CDK5RAP2: variants seen among roughly 807,000 people sequenced by gnomAD.
The protein encoded by CDK5RAP2 is CDK5 regulatory subunit associated protein 2.
Under a neutral mutation model 232.9 loss-of-function variants are expected in CDK5RAP2, and 147 were observed. The observed-to-expected ratio is 0.63, with a 90% confidence interval of 0.55 to 0.72. CDK5RAP2 has a LOEUF of 0.72. Ranked by LOEUF, CDK5RAP2 falls within the 30% of genes least tolerant of loss-of-function variation. The probability of loss-of-function intolerance (pLI) is 0.00; values close to 1 mark genes in which losing one functional copy is unlikely to be tolerated. For missense variants in CDK5RAP2, 2,195 were observed against 2,231.5 expected (o/e 0.98, Z 0.33); for synonymous variants, 833 against 833.7 (o/e 1.00, Z 0.01).
chr9:120,434,690 A>T (rs1306321989), intron 25 of CDK5RAP2, among the ~76,000 whole-genome samples: 1 of 152,110 alleles, frequency 6.6e-6, no homozygotes, highest in Non-Finnish European at 1.5e-5. Context: ...AGGGAGGGAG[A>T]GGAGAACTGA....
chr9:120,474,495 T>A (rs542545381), intron 15 of CDK5RAP2, among the ~76,000 whole-genome samples: 2 of 152,100 alleles, frequency 1.3e-5, no homozygotes, highest in Non-Finnish European at 2.9e-5. Flanking sequence ...AAAAAAATTA[T>A]CCAGCCTCAA....
chr9:120,536,439 G>C lies in CDK5RAP2; in HGVS notation c.595C>G (p.Leu199Val), dbSNP rs1405466162. 6.2e-7 allele frequency: 1 copy of C among 1,614,176 alleles called. No homozygotes were observed. Among genetic ancestry groups the C allele is most frequent in the Non-Finnish European group, 8.5e-7 (1 of 1,180,024 alleles). The change falls in exon 7 of 38, where the codon CTT (leucine) becomes GTT (valine). Residue 199 changes from leucine (L) to valine (V), a missense_variant. By Grantham distance (32) the Leu-to-Val change is conservative (BLOSUM62 1). Coordinates refer to ENST00000349780, the MANE Select transcript of CDK5RAP2 (RefSeq NM_018249.6). ...KALRLRLESK[L>V]SEMKKMHEGD... ...TCGTGCATCTTCTTCATCTCTGAAA[G>C]CTTGCTTTCCAAACGCAACCGAAGA...
At chr9:120,555,739 C>CA (rs2042204979) in intron 3 of CDK5RAP2, among the ~76,000 whole-genome samples, 2 of 152,164 alleles carry the variant, frequency 1.3e-5, no homozygotes. Flanking sequence ...TATGTTCACA[C>CA]AAAAAACCTG....
At position 120,525,018 on chromosome 9, in the gene CDK5RAP2, CCT is replaced by C; in HGVS notation, c.1058_1059del (p.Glu353GlyfsTer14). On this transcript the variant is annotated frameshift_variant, in exon 11 of 38. Transcript: ENST00000349780. LOFTEE classifies it high-confidence loss of function. ...TCCTGGGTCTGTGCTTTCTGTAGGG[CCT>C]CTCTGGCTTTAGCAAAGGCAGCACT... ...KLSAAFAKAR[E>X]ALQKAQTQEF... The C allele has an allele frequency of 1.2e-6, 2 of 1,614,068 alleles. No individual in the cohort carries two copies. The highest frequency in any genetic ancestry group is 1.7e-6 in the Non-Finnish European group (2 of 1,179,928).
At chr9:120,548,273 T>C (rs1480047719) in intron 4 of CDK5RAP2, among the ~76,000 whole-genome samples, 1 of 152,226 alleles carries the variant, frequency 6.6e-6, no homozygotes, top group Non-Finnish European at 1.5e-5. Context: ...TTTTTCCAGC[T>C]CTCAGAAGGG....
rs139217567 is a variant in CDK5RAP2 at position 120,571,105 on chromosome 9, C to T, written c.127+869G>A. On this transcript the variant is annotated intron_variant, in intron 2 of 37. Coordinates refer to ENST00000349780, the MANE Select transcript of CDK5RAP2 (RefSeq NM_018249.6). The stretch of plus-strand genomic sequence containing the variant: ...TCCAAGAGGTCAAGGCTGCAGTGTG[C>T]GTGATCGCACCTCTGCACTCCCAGC... Among the ~76,000 whole-genome samples, 144 of 152,304 alleles carry T rather than the reference C, an allele frequency of 9.5e-4. 1 individual carries two copies. Among genetic ancestry groups the T allele is most frequent in the Non-Finnish European group, 1.9e-3 (127 of 68,036 alleles).
At chr9:120,456,971 C>T (rs1010510181) in intron 20 of CDK5RAP2, among the ~76,000 whole-genome samples, 1 of 152,194 alleles carries the variant, frequency 6.6e-6, no homozygotes, top group African/African-American at 2.4e-5. Flanking sequence ...GTCCAAGAGA[C>T]TTCTCAGAGC....
At chr9:120,491,242 G>T (rs2038887253) in intron 13 of CDK5RAP2, 65 bp downstream of exon 13, 13 of 1,183,456 alleles carry the variant, frequency 1.1e-5, no homozygotes, top group Non-Finnish European at 1.5e-5. Flanking sequence ...TTCTGCAAAA[G>T]AATTATTTTT....
rs369976688 is a variant in CDK5RAP2, at chr9:120,437,864, AG to A, written c.3723-338del. Among the ~76,000 whole-genome samples, 8 of 152,342 alleles carry A rather than the reference AG, an allele frequency of 5.3e-5. 1 individual carries two copies. In the East Asian group the frequency reaches 7.7e-4, roughly 15 times the overall value. ...TAGAAACAAGTGCCCCAAGGGTCAG[AG>A]GATCTACCAAAAATTCTCATGAAGT... On this transcript the variant is annotated intron_variant, in intron 24 of 37. Transcript: ENST00000349780.
At chr9:120,573,790 T>C (rs2042938935) in intron 1 of CDK5RAP2, among the ~76,000 whole-genome samples, 1 of 152,222 alleles carries the variant, frequency 6.6e-6, no homozygotes, top group Non-Finnish European at 1.5e-5. Flanking sequence ...TAATGTTATA[T>C]AATTCTCAAT....
At chr9:120,400,689 G>A in intron 35 of CDK5RAP2, 53 bp downstream of exon 35, 1 of 1,608,984 alleles carries the variant, frequency 6.2e-7, no homozygotes, top group South Asian at 1.1e-5. Context: ...AGGAAACTGA[G>A]ACACAGGCCC....
intron 1 of CDK5RAP2, among the ~76,000 whole-genome samples, chr9:120,576,113 T>C (rs957463535): frequency 5.9e-5 from 9 of 152,236 alleles, no homozygotes; most frequent in African/African-American, 9.6e-5. Flanking sequence ...GTCTGAAAGA[T>C]ACTTTTGAAA....
At chr9:120,456,221 T>C (rs2036765849) in intron 20 of CDK5RAP2, among the ~76,000 whole-genome samples, 2 of 152,268 alleles carry the variant, frequency 1.3e-5, no homozygotes, top group South Asian at 4.1e-4. Context: ...CTGGGTGAGG[T>C]GGTGGCAGTC....
At chr9:120,506,479 T>TA (rs1457940372) in intron 12 of CDK5RAP2, among the ~76,000 whole-genome samples, 2 of 152,180 alleles carry the variant, frequency 1.3e-5, no homozygotes, top group Non-Finnish European at 2.9e-5. Flanking sequence ...TTCAAGTCTT[T>TA]AAAAAATACA....
intron 7 of CDK5RAP2, among the ~76,000 whole-genome samples, chr9:120,535,459 A>G (rs1317771755): frequency 1.3e-5 from 2 of 152,250 alleles, no homozygotes; most frequent in Non-Finnish European, 2.9e-5. Flanking sequence ...GGCAGGCACC[A>G]AATGACCAAG....
chr9:120,406,766 G>C, intron 32 of CDK5RAP2: 1 of 567,534 alleles, frequency 1.8e-6, no homozygotes, highest in Non-Finnish European at 3.1e-6. Flanking sequence ...GAGGCACTGA[G>C]GGTGTCTGGA....
In CDK5RAP2 at chr9:120,485,272, A is replaced by G. The variant is rs544665951; in HGVS notation, c.1626+2022T>C. 4.8e-4 allele frequency among the ~76,000 whole-genome samples: 71 copies of G among 148,286 alleles called. No homozygotes were observed. The South Asian group carries it at 9.1e-3, about 19-fold the overall frequency. On this transcript the variant is annotated intron_variant, in intron 14 of 37. Transcript: ENST00000349780. ...CAACCTGTCCAATAAATCTATAAAC[A>G]TTTTGTTCAACATTTAGATACTTTT...
chr9:120,466,996 A>G (rs1348629472), intron 18 of CDK5RAP2, among the ~76,000 whole-genome samples: 3 of 152,180 alleles, frequency 2.0e-5, no homozygotes, highest in Admixed American at 2.0e-4. Flanking sequence ...TTCCGAAACA[A>G]TGCTAACATG....
At chr9:120,498,718 AAT>A (rs145678067) in intron 12 of CDK5RAP2, among the ~76,000 whole-genome samples, 5,383 of 147,046 alleles carry the variant, frequency 0.037, 296 homozygotes, top group African/African-American at 0.12. Flanking sequence ...AAAGGCTTTA[AAT>A]ATATATATAT....
Sources: gnomAD v4.1 joint callset for allele counts (sites outside exome capture counted in the v4.1 genomes callset) on GRCh38, gnomAD v4.1.1 for gene constraint, MANE v1.5 for transcripts, NCBI Gene and HGNC (gene_info 2026-07-23, HGNC 2026-07-21) for gene names.